The following MGAT5 variants were observed in gnomAD, a reference collection of about 807,000 sequenced individuals.
MGAT5 encodes the protein alpha-1,6-mannosylglycoprotein 6-beta-N-acetylglucosaminyltransferase.
A neutral mutation model predicts 94.3 loss-of-function variants in MGAT5; 30 were observed. That is an observed-to-expected ratio of 0.32 (90% CI 0.24 to 0.43). The LOEUF is 0.43. Ranked by LOEUF, MGAT5 falls within the 20% of genes least tolerant of loss-of-function variation. The pLI is 1.00. For missense variants in MGAT5, 691 were observed against 905.5 expected (o/e 0.76, Z 3.04); for synonymous variants, 310 against 322.9 (o/e 0.96, Z 0.43).
chr2:134,130,117 C>T (rs917691098), intron 1 of MGAT5, among the ~76,000 whole-genome samples: 1 of 151,754 alleles, frequency 6.6e-6, no homozygotes, highest in African/African-American at 2.4e-5. Context: ...CCGGCCCGTC[C>T]GCACCAGGCT....
At position 134,268,266 on chromosome 2, in the gene MGAT5, G is replaced by C. The variant is rs16830300; in HGVS notation, c.242-2120G>C. On this transcript the variant is annotated intron_variant, in intron 1 of 15. Transcript: ENST00000281923. This position sits in a 1 kb window ranked among gnomAD's most constrained non-coding sequence, Gnocchi z 4.1. ...TGATAGTTAAATGCTATTCTAGATT[G>C]TATTCGGATTCTAGCTGGCTGATGA... Among the ~76,000 whole-genome samples the C allele has an allele frequency of 6.6e-6, 1 of 152,208 alleles. No homozygotes were observed. Among genetic ancestry groups the C allele is most frequent in the East Asian group, 1.9e-4 (1 of 5,202 alleles).
At chr2:134,331,398 A>C (rs983827301) in intron 4 of MGAT5, among the ~76,000 whole-genome samples, 1 of 152,100 alleles carries the variant, frequency 6.6e-6, no homozygotes, top group African/African-American at 2.4e-5. Flanking sequence ...AGATTAGTTC[A>C]TGTCAGAGTT....
At chr2:134,169,106 G>A (rs1167804415) in intron 1 of MGAT5, among the ~76,000 whole-genome samples, 1 of 152,176 alleles carries the variant, frequency 6.6e-6, no homozygotes, top group Non-Finnish European at 1.5e-5. Context: ...AAATACTTTG[G>A]GGGAGGGCAA....
chr2:134,435,312 T>G (rs974528302), intron 14 of MGAT5, among the ~76,000 whole-genome samples: 21 of 152,208 alleles, frequency 1.4e-4, no homozygotes, highest in Admixed American at 1.3e-3. Context: ...ATGTACTCCC[T>G]TGTCAAATCT....
intron 9 of MGAT5, among the ~76,000 whole-genome samples, chr2:134,360,870 A>G (rs1303434269): frequency 2.8e-5 from 4 of 143,310 alleles, no homozygotes; most frequent in Non-Finnish European, 1.6e-5. Flanking sequence ...CAGACTGAAC[A>G]CAACTCCCCA....
intron 1 of MGAT5, among the ~76,000 whole-genome samples, chr2:134,197,302 C>G (rs1679542883): frequency 6.6e-6 from 1 of 152,122 alleles, no homozygotes; most frequent in South Asian, 2.1e-4. Flanking sequence ...GAAGGGCCTT[C>G]TAGGCAGGAG....
intron 1 of MGAT5, among the ~76,000 whole-genome samples, chr2:134,233,150 T>C (rs1681457588): frequency 1.3e-5 from 2 of 152,222 alleles, no homozygotes; most frequent in South Asian, 4.1e-4. Context: ...TTGTAAAATA[T>C]AAGGGTACAG....
At chr2:134,249,131 T>C (rs1349995432), upstream of MGAT5, among the ~76,000 whole-genome samples, 1 of 152,148 alleles carries the variant, frequency 6.6e-6, no homozygotes, top group Non-Finnish European at 1.5e-5. Flanking sequence ...TGGTCTTGGC[T>C]GTGCTAGGCC....
chr2:134,416,672 G>T (rs1334535786), intron 12 of MGAT5, among the ~76,000 whole-genome samples: 2 of 151,396 alleles, frequency 1.3e-5, no homozygotes, highest in African/African-American at 2.4e-5. Flanking sequence ...GGATCTCACT[G>T]TATTAACTAG....
At chr2:134,171,655 A>G (rs986511696) in intron 1 of MGAT5, among the ~76,000 whole-genome samples, 1 of 152,234 alleles carries the variant, frequency 6.6e-6, no homozygotes, top group African/African-American at 2.4e-5. Context: ...ACCAAAGTTC[A>G]TACAATCTCT....
intron 12 of MGAT5, among the ~76,000 whole-genome samples, chr2:134,414,607 A>ATT (rs36110473): frequency 1.3e-5 from 2 of 152,034 alleles, no homozygotes; most frequent in African/African-American, 4.8e-5. Context: ...TTAAATAGAT[A>ATT]TTTTTTTCAT....
At chr2:134,214,780 G>A (rs1257463308) in intron 1 of MGAT5, among the ~76,000 whole-genome samples, 1 of 152,100 alleles carries the variant, frequency 6.6e-6, no homozygotes, top group East Asian at 1.9e-4. Flanking sequence ...AAGTCATTGA[G>A]GTAACTTAGT....
chr2:134,219,985 A>G (rs1680676213), intron 1 of MGAT5, among the ~76,000 whole-genome samples: 1 of 152,194 alleles, frequency 6.6e-6, no homozygotes, highest in South Asian at 2.1e-4. Context: ...GGAGCTTGGC[A>G]CAGCATAAAT....
chr2:134,176,572 T>TAAAAAAAAAAAAAAAAAAAAAAA (rs66689362), intron 1 of MGAT5, among the ~76,000 whole-genome samples: 1 of 83,314 alleles, frequency 1.2e-5, no homozygotes, highest in Non-Finnish European at 2.2e-5. Flanking sequence ...GACTCTGTCT[T>TAAAAAAAAAAAAAAAAAAAAAAA]AAAAAAAAAA....
chr2:134,216,870 G>A (rs1573879598), intron 1 of MGAT5, among the ~76,000 whole-genome samples: 1 of 152,210 alleles, frequency 6.6e-6, no homozygotes, highest in Non-Finnish European at 1.5e-5. Context: ...AGAGCCATAG[G>A]AATAGATTGG....
intron 2 of MGAT5, among the ~76,000 whole-genome samples, chr2:134,298,545 C>T (rs1010146588): frequency 6.6e-6 from 1 of 152,144 alleles, no homozygotes; most frequent in Admixed American, 6.6e-5. Context: ...GCTGTTAGGG[C>T]AGTTAGACAC....
intron 2 of MGAT5, among the ~76,000 whole-genome samples, chr2:134,291,122 T>C (rs537437645): frequency 2.6e-5 from 4 of 152,226 alleles, no homozygotes; most frequent in African/African-American, 9.6e-5. Context: ...AAGAGAAAAT[T>C]GCCTGGGAAA....
chr2:134,381,394 A>ATAGATAAGATAAGATAAGATAGAT (rs1558841852), intron 10 of MGAT5, among the ~76,000 whole-genome samples: 1 of 107,552 alleles, frequency 9.3e-6, no homozygotes, highest in Non-Finnish European at 1.9e-5. Context: ...AGATAGATAG[A>ATAGATAAGATAAGATAAGATAGAT]TAGATAGATA....
chr2:134,354,907 A>G (rs758926819), intron 9 of MGAT5, among the ~76,000 whole-genome samples: 22 of 152,166 alleles, frequency 1.4e-4, no homozygotes, highest in Non-Finnish European at 8.8e-5. Context: ...CTTTCCAACC[A>G]CAAAAACCAG....
Sources: gnomAD v4.1 joint callset for allele counts (sites outside exome capture counted in the v4.1 genomes callset) on GRCh38, gnomAD v4.1.1 for gene constraint, Gnocchi (gnomAD v3.1) non-coding constraint, MANE v1.5 for transcripts, NCBI Gene and HGNC (gene_info 2026-07-23, HGNC 2026-07-21) for gene names.